The following UNCX variants were observed in gnomAD, a reference collection of about 807,000 sequenced individuals.
The protein encoded by UNCX is homeobox protein unc-4 homolog.
Under a neutral mutation model 14.8 loss-of-function variants are expected in UNCX, and 4 were observed. The observed-to-expected ratio is 0.27, with a 90% CI of 0.13 to 0.62. UNCX has a LOEUF of 0.62. UNCX is among the 20% of genes least tolerant of loss of function. The probability of loss-of-function intolerance (pLI) is 0.86; values close to 1 mark genes in which losing one functional copy is unlikely to be tolerated. For synonymous variants in UNCX, 459 were observed against 395.8 expected, an observed-to-expected ratio of 1.16 and a Z score of -1.90; for missense variants, 749 against 786.8, an observed-to-expected ratio of 0.95 and a Z score of 0.58.
In UNCX at chr7:1,236,302, G is replaced by C; in HGVS notation, c.921G>C (p.Ala307=). The change falls in exon 3 of 3, where the codon GCG becomes GCC. Residue 307 remains alanine (A), a synonymous_variant. Transcript: ENST00000316333. This position sits in a 1 kb window ranked among gnomAD's most constrained non-coding sequence, Gnocchi z 6.9. The part of the protein sequence containing the change: ...PRPGRPADKD[A]ASCGPGAAVA... ...CAGGTCGCCCTGCGGACAAGGACGC[G>C]GCCTCGTGCGGGCCAGGGGCCGCTG... 1 of 1,351,906 alleles carries C rather than the reference G, an allele frequency of 7.4e-7. No individual in the cohort carries two copies. Among genetic ancestry groups the C allele is most frequent in the Non-Finnish European group, 9.5e-7 (1 of 1,048,252 alleles). 83.7% of individuals were successfully genotyped at this position (1,351,906 alleles called of 1,614,324 possible).
rs1442950629 is a variant in UNCX at position 1,235,897 on chromosome 7, G to A, written c.516G>A (p.Arg172=). ...AGAACACGAAAAAGGGCCCGGGGCG[G>A]CCGGCGCACAACTCGCACCCGACCA... ...KKENTKKGPG[R]PAHNSHPTTC... is the part of the protein sequence containing the mutation. The change falls in exon 3 of 3, where the codon CGG becomes CGA. Residue 172 remains arginine (R), a synonymous_variant. Coordinates refer to ENST00000316333, the MANE Select transcript of UNCX (RefSeq NM_001080461.3). 14 of 1,612,334 alleles carry A rather than the reference G, an allele frequency of 8.7e-6. No homozygotes were observed. Among genetic ancestry groups the A allele is most frequent in the Admixed American group, 3.3e-5 (2 of 59,986 alleles).
chr7:1,234,210 A>G (rs1369807815), intron 2 of UNCX, among the ~76,000 whole-genome samples: 1 of 152,250 alleles, frequency 6.6e-6, no homozygotes, highest in Non-Finnish European at 1.5e-5. Context: ...GCTTTGCAGA[A>G]GGGAACAGCT....
intron 2 of UNCX, among the ~76,000 whole-genome samples, chr7:1,234,096 C>T (rs1202016072): frequency 6.6e-6 from 1 of 152,158 alleles, no homozygotes; most frequent in African/African-American, 2.4e-5. Flanking sequence ...GCCCCCGCAC[C>T]GCCTCAACCT....
chr7:1,234,934 G>A (rs775617410), intron 2 of UNCX, among the ~76,000 whole-genome samples: 3 of 152,086 alleles, frequency 2.0e-5, no homozygotes, highest in Non-Finnish European at 4.4e-5. Flanking sequence ...CCTGGGGAGG[G>A]CAGGACTGCC....
intron 2 of UNCX, among the ~76,000 whole-genome samples, chr7:1,234,808 GGC>G (rs1778709338): frequency 6.6e-6 from 1 of 151,382 alleles, no homozygotes; most frequent in Non-Finnish European, 1.5e-5. Context: ...GTTGGGGGAG[GGC>G]TCGGCTTCAT....
In UNCX at chr7:1,235,891, G is replaced by A. The variant is rs369366233; in HGVS notation, c.510G>A (p.Pro170=). 2.2e-5 allele frequency: 35 copies of A among 1,612,298 alleles called. No homozygotes were observed. Among genetic ancestry groups the A allele is most frequent in the Non-Finnish European group, 2.8e-5 (33 of 1,179,676 alleles). The stretch of plus-strand genomic sequence containing the variant: ...AGAAGGAGAACACGAAAAAGGGCCC[G>A]GGGCGGCCGGCGCACAACTCGCACC... ...WRKKENTKKG[P]GRPAHNSHPT... Residue 170 remains proline (P), a synonymous_variant, in exon 3 of 3, where the codon CCG becomes CCA. Transcript: ENST00000316333.
In UNCX at chr7:1,236,774, T is replaced by C. The variant is rs1778752201; in HGVS notation, c.1393T>C (p.Ser465Pro). 11 of 986,274 alleles carry C rather than the reference T, an allele frequency of 1.1e-5. No homozygotes were observed. Among genetic ancestry groups the C allele is most frequent in the Admixed American group, 6.3e-5 (1 of 15,972 alleles). 61.1% of individuals were successfully genotyped at this position (986,274 alleles called of 1,614,324 possible). ...CCCGGCGCCTTTCCGGGACCTCGCC[T>C]CGGCAGCGGCTACCGAGGGCGGCGG... ...PAPAPFRDLA[S>P]AAATEGGGGD... is the part of the protein sequence containing the mutation. The change falls in exon 3 of 3, where the codon TCG (serine) becomes CCG (proline). Residue 465 changes from serine to proline, a missense_variant. By Grantham distance (74) the Ser-to-Pro change is moderately conservative. This residue lies in a region of UNCX where 552 missense variants were observed against 507.2 expected (regional missense o/e 1.09). Coordinates refer to ENST00000316333, the MANE Select transcript of UNCX (RefSeq NM_001080461.3). This position sits in a 1 kb window ranked among gnomAD's most constrained non-coding sequence, Gnocchi z 6.9.
In UNCX at chr7:1,237,067, A is replaced by G. The variant is rs754552431; in HGVS notation, c.*90A>G. 4.2e-5 allele frequency: 40 copies of G among 954,048 alleles called. No individual in the cohort carries two copies. The highest frequency in any genetic ancestry group is 4.3e-5 in the Non-Finnish European group (34 of 785,132). 59.1% of individuals were successfully genotyped at this position (954,048 alleles called of 1,614,324 possible). ...CAACGAATCAGGTGATCGGCTCTAG[A>G]AACACTGCTTTCCCTTCTTTTCTTT... On this transcript the variant is annotated 3_prime_UTR_variant, in exon 3 of 3. Transcript: ENST00000316333. The surrounding 1 kb of genome is among the most constrained non-coding windows in gnomAD (Gnocchi z 5.8).
At position 1,233,396 on chromosome 7, in the gene UNCX, C is replaced by T. The variant is rs868782479; in HGVS notation, c.274+105C>T. The T allele has an allele frequency of 5.2e-6, 7 of 1,351,766 alleles. No individual in the cohort carries two copies. The African/African-American group carries it at 9.7e-5, about 19-fold the overall frequency. The allele number at this position is 1,351,766 out of a possible 1,614,324, so 83.7% of individuals were successfully genotyped here. A position where few individuals can be genotyped will look rare whatever the true frequency, so the allele number is the denominator to read the frequency against. On this transcript the variant is annotated intron_variant, in intron 1 of 2. Coordinates refer to ENST00000316333, the MANE Select transcript of UNCX (RefSeq NM_001080461.3). This position sits in a 1 kb window ranked among gnomAD's most constrained non-coding sequence, Gnocchi z 5.3. ...CGGGGCTGGCGAAGGAGAGCCGGCTCCTAGGCGGCCGTCTCTGCGCCCCCC... is the reference window on the plus strand; with the variant it reads ...CGGGGCTGGCGAAGGAGAGCCGGCTTCTAGGCGGCCGTCTCTGCGCCCCCC...
intron 2 of UNCX, among the ~76,000 whole-genome samples, chr7:1,234,770 G>A (rs1226145177): frequency 3.3e-5 from 3 of 91,686 alleles, no homozygotes; most frequent in Non-Finnish European, 8.0e-5. Context: ...AAAAAAAAAA[G>A]TTTAAAGAAG....
rs1197499643 is a variant in UNCX at position 1,233,414 on chromosome 7, C to CG, written c.275-105dup. The CG allele has an allele frequency of 3.4e-6, 4 of 1,176,722 alleles. No homozygotes were observed. The highest frequency in any genetic ancestry group is 3.6e-5 in the East Asian group (1 of 28,104). The allele number at this position is 1,176,722 out of a possible 1,614,324, so 72.9% of individuals were successfully genotyped here. On this transcript the variant is annotated intron_variant, in intron 1 of 2. Transcript: ENST00000316333. This position sits in a 1 kb window ranked among gnomAD's most constrained non-coding sequence, Gnocchi z 5.3. The stretch of plus-strand genomic sequence containing the variant: ...GCCGGCTCCTAGGCGGCCGTCTCTG[C>CG]GCCCCCCCCCCCGGATCCAGGCGGC...
chr7:1,234,248 G>C (rs1778699736), intron 2 of UNCX, among the ~76,000 whole-genome samples: 1 of 152,184 alleles, frequency 6.6e-6, no homozygotes, highest in Non-Finnish European at 1.5e-5. Context: ...AGCTTAAACA[G>C]TTAACACATT....
chr7:1,236,945 C>G lies in UNCX; in HGVS notation c.1564C>G (p.Pro522Ala). Reference sequence around the variant, plus strand: ...GCCTGGCGCGGCGGCCGGACCCAGCCCGCCGGAGGGCGAGGAGCTGGACAT... The same window carrying G: ...GCCTGGCGCGGCGGCCGGACCCAGCGCGCCGGAGGGCGAGGAGCTGGACAT... ...PEPGAAAGPS[P>A]PEGEELDMD Residue 522 changes from proline (P) to alanine (A), a missense_variant, in exon 3 of 3, where the codon CCG becomes GCG. Physicochemically the swap from Pro to Ala is conservative, Grantham distance 27. Around this residue, in one of 3 missense-constraint regions of UNCX, gnomAD observed 552 missense variants for 507.2 expected, o/e 1.09. Transcript: ENST00000316333. The surrounding 1 kb of genome is among the most constrained non-coding windows in gnomAD (Gnocchi z 6.9). 8.3e-7 allele frequency: 1 copy of G among 1,198,026 alleles called. No individual in the cohort carries two copies. Among genetic ancestry groups the G allele is most frequent in the Non-Finnish European group, 1.0e-6 (1 of 966,134 alleles). The allele number at this position is 1,198,026 out of a possible 1,614,324, so 74.2% of individuals were successfully genotyped here.
Position 1,233,224 on chromosome 7 carries a change from C to T in UNCX, c.207C>T (p.Val69=), listed in dbSNP as rs1291461486. The change falls in exon 1 of 3, where the codon GTC becomes GTT. Residue 69 remains valine, a synonymous_variant. Transcript: ENST00000316333. The surrounding 1 kb of genome is among the most constrained non-coding windows in gnomAD (Gnocchi z 5.3). ...CGTGCGCCGCCGCCGCCTCGGTGGT[C>T]AACCCCACGCCGCTGCTGCCAGCCG... ...GGSCAAAASV[V]NPTPLLPAAC... The T allele has an allele frequency of 2.1e-6, 3 of 1,424,010 alleles. No homozygotes were observed. The highest frequency in any genetic ancestry group is 2.8e-5 in the South Asian group (2 of 71,156). The allele number at this position is 1,424,010 out of a possible 1,614,324, so 88.2% of individuals were successfully genotyped here.
At position 1,233,335 on chromosome 7, in the gene UNCX, G is replaced by A; in HGVS notation, c.274+44G>A. 1 of 1,323,350 alleles carries A rather than the reference G, an allele frequency of 7.6e-7. No homozygotes were observed. Among genetic ancestry groups the A allele is most frequent in the Non-Finnish European group, 9.6e-7 (1 of 1,043,304 alleles). The allele number at this position is 1,323,350 out of a possible 1,614,324, so 82.0% of individuals were successfully genotyped here. On this transcript the variant is annotated intron_variant, in intron 1 of 2. Transcript: ENST00000316333. This position sits in a 1 kb window ranked among gnomAD's most constrained non-coding sequence, Gnocchi z 5.3. ...AGGGCGGGGAGGAGTGCGGCTGGGG[G>A]CGGGGGCCCTGGTCCGGCCGAGGCG...
At chr7:1,234,837 T>C (rs1042665538) in intron 2 of UNCX, among the ~76,000 whole-genome samples, 1 of 149,934 alleles carries the variant, frequency 6.7e-6, no homozygotes, top group Non-Finnish European at 1.5e-5. Context: ...GACCTCCCCA[T>C]GGACAAGGCT....
chr7:1,233,424 C>G lies in UNCX; in HGVS notation c.275-96C>G, dbSNP rs1039563427. On this transcript the variant is annotated intron_variant, in intron 1 of 2. Transcript: ENST00000316333. This position sits in a 1 kb window ranked among gnomAD's most constrained non-coding sequence, Gnocchi z 5.3. ...AGGCGGCCGTCTCTGCGCCCCCCCCCCCGGATCCAGGCGGCCAGCGGGTAG... is the reference window on the plus strand; with the variant it reads ...AGGCGGCCGTCTCTGCGCCCCCCCCGCCGGATCCAGGCGGCCAGCGGGTAG... The G allele has an allele frequency of 7.2e-6, 10 of 1,382,846 alleles. No homozygotes were observed. The African/African-American group carries it at 1.1e-4, about 15-fold the overall frequency. 85.7% of individuals were successfully genotyped at this position (1,382,846 alleles called of 1,614,324 possible).
In UNCX at chr7:1,236,588, G is replaced by C. The variant is rs748501900; in HGVS notation, c.1207G>C (p.Glu403Gln). The C allele has an allele frequency of 4.1e-6, 5 of 1,206,212 alleles. No homozygotes were observed. In the Admixed American group the frequency reaches 1.3e-4, roughly 31 times the overall value. The allele number at this position is 1,206,212 out of a possible 1,614,324, so 74.7% of individuals were successfully genotyped here. A position where few individuals can be genotyped will look rare whatever the true frequency, so the allele number is the denominator to read the frequency against. The change falls in exon 3 of 3, where the codon GAG (glutamate) becomes CAG (glutamine). Residue 403 changes from glutamate (E) to glutamine (Q), a missense_variant. Glu to Gln is a conservative substitution (Grantham distance 29, BLOSUM62 2). Around this residue, in one of 3 missense-constraint regions of UNCX, gnomAD observed 552 missense variants for 507.2 expected, o/e 1.09. Coordinates refer to ENST00000316333, the MANE Select transcript of UNCX (RefSeq NM_001080461.3). This position sits in a 1 kb window ranked among gnomAD's most constrained non-coding sequence, Gnocchi z 6.9. ...QAALKGGAGL[E>Q]PAPKDAPPAP... ...CGCGCTCAAGGGCGGCGCGGGCCTGGAGCCGGCGCCCAAGGACGCGCCGCC... is the reference window on the plus strand; with the variant it reads ...CGCGCTCAAGGGCGGCGCGGGCCTGCAGCCGGCGCCCAAGGACGCGCCGCC...
chr7:1,235,234 C>G (rs1176462013), intron 2 of UNCX, among the ~76,000 whole-genome samples: 1 of 152,230 alleles, frequency 6.6e-6, no homozygotes, highest in Non-Finnish European at 1.5e-5. Flanking sequence ...TTAGCTGTGC[C>G]CTGGGAGGGA....
Sources: allele counts gnomAD v4.1 joint callset (sites outside exome capture counted in the v4.1 genomes callset), GRCh38; gene constraint gnomAD v4.1.1; regional missense constraint gnomAD v4.1.1; non-coding constraint Gnocchi (gnomAD v3.1); transcripts MANE v1.5; gene names NCBI Gene and HGNC (gene_info 2026-07-23, HGNC 2026-07-21).